The following ADD2 variants were observed in gnomAD, a reference collection of about 807,000 sequenced individuals.
The protein encoded by ADD2 is beta-adducin.
In ADD2, 23 loss-of-function variants were observed where a neutral mutation model predicts 83.0. The observed-to-expected ratio is 0.28, with a 90% CI of 0.20 to 0.39. ADD2 has a LOEUF of 0.39. Among genes scored for constraint, ADD2 ranks in the 10% least tolerant of loss-of-function variants. The pLI is 1.00. For synonymous variants in ADD2, 375 were observed against 375.4 expected (o/e 1.00, Z 0.01); for missense variants, 758 against 944.9 (o/e 0.80, Z 2.59).
intron 1 of ADD2, among the ~76,000 whole-genome samples, chr2:70,734,019 C>T (rs1673402076): frequency 6.6e-6 from 1 of 152,128 alleles, no homozygotes; most frequent in Non-Finnish European, 1.5e-5. Context: ...CTCAGCAGTG[C>T]CTTCCGCCCA....
At chr2:70,742,396 C>G (rs1673963967) in intron 1 of ADD2, among the ~76,000 whole-genome samples, 1 of 152,056 alleles carries the variant, frequency 6.6e-6, no homozygotes, top group Non-Finnish European at 1.5e-5. Flanking sequence ...CAGCTCTTGA[C>G]AAGGCAGAAC....
At chr2:70,719,744 G>C (rs1672640161) in intron 1 of ADD2, among the ~76,000 whole-genome samples, 1 of 152,206 alleles carries the variant, frequency 6.6e-6, no homozygotes, top group Non-Finnish European at 1.5e-5. Context: ...TCCAGTCACA[G>C]ATACTTTTAA....
At chr2:70,667,137 T>C (rs1259585670) in intron 15 of ADD2, among the ~76,000 whole-genome samples, 10 of 152,226 alleles carry the variant, frequency 6.6e-5, no homozygotes, top group African/African-American at 1.7e-4. Flanking sequence ...TCTAGCCTCT[T>C]CTAAGAAGAA....
chr2:70,740,985 C>T (rs962769377), intron 1 of ADD2, among the ~76,000 whole-genome samples: 7 of 152,222 alleles, frequency 4.6e-5, no homozygotes, highest in Non-Finnish European at 1.0e-4. Flanking sequence ...TAGGCATGAG[C>T]CACCGTGCCC....
intron 4 of ADD2, 58 bp downstream of exon 4, chr2:70,704,263 T>TCCCCCCCCCCCCCCCCCCCCCCCCCCCCC: frequency 2.2e-6 from 2 of 913,238 alleles, no homozygotes; most frequent in South Asian, 1.5e-5. Flanking sequence ...CTCCCTCTCT[T>TCCCCCCCCCCCCCCCCCCCCCCCCCCCCC]CCCCACCCCA....
At chr2:70,670,477 T>C (rs1669852812) in intron 15 of ADD2, among the ~76,000 whole-genome samples, 1 of 152,068 alleles carries the variant, frequency 6.6e-6, no homozygotes, top group African/African-American at 2.4e-5. Context: ...CAGCAGAGGA[T>C]AAGGTGAGCT....
intron 1 of ADD2, among the ~76,000 whole-genome samples, chr2:70,727,096 T>C (rs536415640): frequency 6.6e-6 from 1 of 152,356 alleles, no homozygotes; most frequent in Admixed American, 6.5e-5. Context: ...TGAGTCCTTC[T>C]TCACGCTCCG....
intron 2 of ADD2, among the ~76,000 whole-genome samples, chr2:70,712,193 C>T (rs1436883831): frequency 1.3e-5 from 2 of 152,066 alleles, no homozygotes; most frequent in South Asian, 4.2e-4. Flanking sequence ...TCTGTAATCC[C>T]AGCACTTTGG....
chr2:70,698,280 A>T (rs1391520632), intron 4 of ADD2, among the ~76,000 whole-genome samples: 4 of 152,174 alleles, frequency 2.6e-5, no homozygotes, highest in Non-Finnish European at 5.9e-5. Flanking sequence ...CCATCACATC[A>T]TCTGTGTCTG....
At chr2:70,704,263 T>TGGGCCCCCCCCCCAC in intron 4 of ADD2, 58 bp downstream of exon 4, 1 of 913,238 alleles carries the variant, frequency 1.1e-6, no homozygotes, top group Non-Finnish European at 1.7e-6. Context: ...CTCCCTCTCT[T>TGGGCCCCCCCCCCAC]CCCCACCCCA....
intron 6 of ADD2, 66 bp from the exon 7 acceptor site, chr2:70,692,618 C>G: frequency 6.7e-7 from 1 of 1,490,742 alleles, no homozygotes; most frequent in Non-Finnish European, 8.9e-7. Context: ...CCTCTCCCAG[C>G]TGGTGGGCCC....
At chr2:70,704,262 T>C in intron 4 of ADD2, 59 bp downstream of exon 4, 1 of 1,085,864 alleles carries the variant, frequency 9.2e-7, no homozygotes. Flanking sequence ...CCTCCCTCTC[T>C]TCCCCACCCC....
intron 1 of ADD2, among the ~76,000 whole-genome samples, chr2:70,726,636 TATA>T (rs1265456153): frequency 6.6e-6 from 1 of 152,208 alleles, no homozygotes; most frequent in Non-Finnish European, 1.5e-5. Flanking sequence ...GATGGAAATG[TATA>T]AATCAGGACT....
chr2:70,664,519 G>A (rs1248492896), intron 15 of ADD2, among the ~76,000 whole-genome samples: 1 of 152,196 alleles, frequency 6.6e-6, no homozygotes, highest in Non-Finnish European at 1.5e-5. Context: ...GAGAGTCAGG[G>A]AGATTGTAAA....
chr2:70,681,704 G>A (rs115626622), intron 10 of ADD2, among the ~76,000 whole-genome samples: 5,242 of 151,336 alleles, frequency 0.035, 149 homozygotes, highest in Non-Finnish European at 0.052. Context: ...TTATAGGCAT[G>A]TAACCATATT....
At chr2:70,700,802 G>T (rs1671549058) in intron 4 of ADD2, among the ~76,000 whole-genome samples, 1 of 151,976 alleles carries the variant, frequency 6.6e-6, no homozygotes, top group Non-Finnish European at 1.5e-5. Flanking sequence ...TATTGTAAAT[G>T]ACTCATAATT....
At position 70,765,042 on chromosome 2, in the gene ADD2, C is replaced by G. The variant is rs1474951432; in HGVS notation, c.-154+2844G>C. ...CACTATGTCACATTAGGAAAAAGTT[C>G]CTTTCTGGTCTCGGAATCAAGAACT... On this transcript the variant is annotated intron_variant, in intron 1 of 15. Transcript: ENST00000264436. Among the ~76,000 whole-genome samples, 27 of 151,876 alleles carry G rather than the reference C, an allele frequency of 1.8e-4. 1 individual carries two copies. Among genetic ancestry groups the G allele is most frequent in the Admixed American group, 1.8e-3 (27 of 15,274 alleles).
chr2:70,735,568 T>A (rs60586308), intron 1 of ADD2, among the ~76,000 whole-genome samples: 1 of 152,108 alleles, frequency 6.6e-6, no homozygotes, highest in East Asian at 1.9e-4. Context: ...GCCTGCTTGC[T>A]CTGCCTGCTT....
At chr2:70,679,497 C>T (rs1670350074) in intron 10 of ADD2, among the ~76,000 whole-genome samples, 1 of 152,196 alleles carries the variant, frequency 6.6e-6, no homozygotes, top group Admixed American at 6.5e-5. Flanking sequence ...GACTCAAGAA[C>T]ATTCCTGTCT....
Sources: gnomAD v4.1 joint callset for allele counts (sites outside exome capture counted in the v4.1 genomes callset) on GRCh38, gnomAD v4.1.1 for gene constraint, MANE v1.5 for transcripts, NCBI Gene and HGNC (gene_info 2026-07-23, HGNC 2026-07-21) for gene names.